SPAG16: variants seen among roughly 807,000 people sequenced by gnomAD.
SPAG16 encodes the protein sperm associated antigen 16.
Under a neutral mutation model 80.4 loss-of-function variants are expected in SPAG16, and 86 were observed. That is an observed-to-expected ratio of 1.07 (90% CI 0.90 to 1.28). The LOEUF (loss-of-function observed/expected upper bound fraction) is 1.28. SPAG16 is among the 50% of genes most tolerant of loss of function. SPAG16 has a pLI of 0.00. For missense variants in SPAG16, 870 were observed against 765.3 expected, an observed-to-expected ratio of 1.14 and a Z score of -1.61; for synonymous variants, 294 against 265.9, an observed-to-expected ratio of 1.11 and a Z score of -1.03.
rs555377854 is a variant in SPAG16, at chr2:213,814,562, C to T, written c.1071-47923C>T. Among the ~76,000 whole-genome samples, 26 of 152,128 alleles carry T rather than the reference C, an allele frequency of 1.7e-4. 2 individuals are homozygous for T. Among genetic ancestry groups the T allele is most frequent in the African/African-American group, 6.3e-4 (26 of 41,518 alleles). ...ATCCCAGTACTTTGGGAAGCCAAGG[C>T]GGGCGGATCATGAGGTCAGGAGTTT... On this transcript the variant is annotated intron_variant, in intron 10 of 15. Coordinates refer to ENST00000331683, the MANE Select transcript of SPAG16 (RefSeq NM_024532.5).
Position 213,378,064 on chromosome 2 carries a change from T to C in SPAG16, c.942+2945T>C, listed in dbSNP as rs111851971. Among the ~76,000 whole-genome samples, 1,362 of 152,144 alleles carry C rather than the reference T, an allele frequency of 9.0e-3. 13 individuals carry two copies. Among genetic ancestry groups the C allele is most frequent in the African/African-American group, 0.03 (1,251 of 41,514 alleles). On this transcript the variant is annotated intron_variant, in intron 9 of 15. Transcript: ENST00000331683. ...TCCCAAAACTGAAGAACTTGGAGTC[T>C]GATGTTAGAGGGCAGGAAGCATCCA... is the stretch of plus-strand genomic sequence containing the variant.
At chr2:213,743,319 C>T (rs765900452) in intron 10 of SPAG16, among the ~76,000 whole-genome samples, 2 of 152,100 alleles carry the variant, frequency 1.3e-5, no homozygotes, top group Admixed American at 6.5e-5. Flanking sequence ...TAGAACAATG[C>T]CTGGCCCCTA....
intron 15 of SPAG16, among the ~76,000 whole-genome samples, chr2:214,400,740 T>G (rs1395049252): frequency 2.0e-5 from 3 of 152,062 alleles, no homozygotes; most frequent in Admixed American, 1.3e-4. Context: ...ATCCTCAACT[T>G]CCATGTGTTT....
At chr2:213,544,071 C>T (rs2076537517) in intron 10 of SPAG16, among the ~76,000 whole-genome samples, 1 of 151,748 alleles carries the variant, frequency 6.6e-6, no homozygotes, top group Non-Finnish European at 1.5e-5. Flanking sequence ...GGAATGCATG[C>T]TAGTCAAATG....
At chr2:214,075,434 T>C (rs1404099033) in intron 13 of SPAG16, among the ~76,000 whole-genome samples, 2 of 152,044 alleles carry the variant, frequency 1.3e-5, no homozygotes, top group Non-Finnish European at 2.9e-5. Flanking sequence ...TATGGGGAGA[T>C]AGTTATTGAG....
At chr2:213,672,683 G>A (rs2063858187) in intron 10 of SPAG16, among the ~76,000 whole-genome samples, 1 of 151,750 alleles carries the variant, frequency 6.6e-6, no homozygotes, top group African/African-American at 2.4e-5. Flanking sequence ...ATTTCCAACT[G>A]CTTTTATAAT....
chr2:213,844,215 A>C (rs1353014329), intron 10 of SPAG16, among the ~76,000 whole-genome samples: 2 of 152,210 alleles, frequency 1.3e-5, no homozygotes, highest in African/African-American at 2.4e-5. Context: ...TGAAACCTGA[A>C]GTAATGAATG....
At chr2:214,177,806 TAA>T (rs935214013) in intron 15 of SPAG16, among the ~76,000 whole-genome samples, 22 of 147,808 alleles carry the variant, frequency 1.5e-4, no homozygotes, top group Middle Eastern at 3.6e-3. Context: ...ATAAAAACCA[TAA>T]GTTTGTTCCT....
At chr2:213,776,232 T>A (rs1247417772) in intron 10 of SPAG16, among the ~76,000 whole-genome samples, 1 of 152,194 alleles carries the variant, frequency 6.6e-6, no homozygotes, top group African/African-American at 2.4e-5. Context: ...AGTCTAATCA[T>A]AGGAGCCCTT....
chr2:214,100,857 G>A (rs1376923565), intron 13 of SPAG16, among the ~76,000 whole-genome samples: 1 of 152,014 alleles, frequency 6.6e-6, no homozygotes, highest in Admixed American at 6.6e-5. Context: ...GAACATATGG[G>A]TGCATGTGTC....
chr2:213,898,966 A>C (rs1017095505), intron 11 of SPAG16, among the ~76,000 whole-genome samples: 5 of 152,180 alleles, frequency 3.3e-5, no homozygotes, highest in African/African-American at 1.2e-4. Context: ...GATAAGAAAG[A>C]GTATCTGTTG....
At chr2:213,719,713 A>G (rs2066429004) in intron 10 of SPAG16, among the ~76,000 whole-genome samples, 1 of 152,332 alleles carries the variant, frequency 6.6e-6, no homozygotes, top group South Asian at 2.1e-4. Context: ...ATGTGGAGAA[A>G]TAGGAATGCT....
At chr2:213,796,016 GA>G (rs2071005761) in intron 10 of SPAG16, among the ~76,000 whole-genome samples, 1 of 151,942 alleles carries the variant, frequency 6.6e-6, no homozygotes, top group Non-Finnish European at 1.5e-5. Flanking sequence ...TGTTTTGAAG[GA>G]AAAAAGTCAC....
chr2:213,715,122 A>C (rs1255048615), intron 10 of SPAG16, among the ~76,000 whole-genome samples: 1 of 152,178 alleles, frequency 6.6e-6, no homozygotes, highest in Non-Finnish European at 1.5e-5. Context: ...GAGTGGAAGA[A>C]AATAGGTAGA....
At chr2:213,564,321 C>T (rs952302580) in intron 10 of SPAG16, among the ~76,000 whole-genome samples, 1 of 151,686 alleles carries the variant, frequency 6.6e-6, no homozygotes, top group African/African-American at 2.4e-5. Flanking sequence ...ATGGTGACAC[C>T]CCATCTCTGC....
At chr2:213,318,664 T>C (rs1043245260) in intron 5 of SPAG16, among the ~76,000 whole-genome samples, 2 of 151,884 alleles carry the variant, frequency 1.3e-5, no homozygotes, top group Non-Finnish European at 2.9e-5. Context: ...AAAGAAAATA[T>C]AAACTATCCA....
intron 15 of SPAG16, among the ~76,000 whole-genome samples, chr2:214,399,575 C>G (rs1701594585): frequency 6.6e-6 from 1 of 151,976 alleles, no homozygotes; most frequent in Non-Finnish European, 1.5e-5. Flanking sequence ...AAGAGAACAA[C>G]TCCCAAAATA....
intron 10 of SPAG16, among the ~76,000 whole-genome samples, chr2:213,531,462 G>C (rs989895133): frequency 1.3e-5 from 2 of 151,824 alleles, no homozygotes; most frequent in Non-Finnish European, 2.9e-5. Context: ...ATAGAGGAGA[G>C]AGAATGGATG....
At chr2:213,655,876 G>T (rs1382578892) in intron 10 of SPAG16, among the ~76,000 whole-genome samples, 5 of 152,140 alleles carry the variant, frequency 3.3e-5, no homozygotes, top group Non-Finnish European at 1.5e-5. Flanking sequence ...AAAGGAAATT[G>T]TTTTCGTTTA....
Sources: allele counts gnomAD v4.1 joint callset (sites outside exome capture counted in the v4.1 genomes callset), GRCh38; gene constraint gnomAD v4.1.1; transcripts MANE v1.5; gene names NCBI Gene and HGNC (gene_info 2026-07-23, HGNC 2026-07-21).